PACS1: variants seen among roughly 807,000 people sequenced by gnomAD.
PACS1 encodes the protein phosphofurin acidic cluster sorting protein 1, also known as PACS-1.
Under a neutral mutation model 115.0 loss-of-function variants are expected in PACS1, and 24 were observed. The ratio of observed to expected loss-of-function variants is 0.21; its 90% CI spans 0.15 to 0.29. PACS1 has a LOEUF of 0.29. Among genes scored for constraint, PACS1 ranks in the 10% least tolerant of loss-of-function variants. The pLI is 1.00. For synonymous variants in PACS1, 453 were observed against 504.5 expected (o/e 0.90, Z 1.37); for missense variants, 838 against 1,251.2 (o/e 0.67, Z 4.98).
chr11:66,132,991 A>G (rs944029214), intron 1 of PACS1, among the ~76,000 whole-genome samples: 1 of 152,114 alleles, frequency 6.6e-6, no homozygotes, highest in East Asian at 1.9e-4. Flanking sequence ...TTTTTGATCC[A>G]TGGATATGGA....
At chr11:66,082,628 G>A (rs1250051981) in intron 1 of PACS1, among the ~76,000 whole-genome samples, 1 of 152,142 alleles carries the variant, frequency 6.6e-6, no homozygotes, top group Non-Finnish European at 1.5e-5. Context: ...TTGGGAGGCC[G>A]AGGTGGGTGG....
rs1300645100 is a variant in PACS1 at position 66,212,130 on chromosome 11, T to A, written c.660+871T>A. Among the ~76,000 whole-genome samples the A allele has an allele frequency of 1.3e-5, 2 of 151,912 alleles. 1 individual carries two copies. The highest frequency in any genetic ancestry group is 6.3e-3 in the Middle Eastern group (2 of 316). On this transcript the variant is annotated intron_variant, in intron 4 of 23. Transcript: ENST00000320580. ...GGGGATATTAACTTTTAATTTTTTT[T>A]ATTTTTACTTTTTTTTTTTTGAGAT...
At chr11:66,134,565 TA>T (rs1858796874) in intron 1 of PACS1, among the ~76,000 whole-genome samples, 1 of 139,994 alleles carries the variant, frequency 7.1e-6, no homozygotes, top group Non-Finnish European at 1.5e-5. Context: ...GTTTTTGATG[TA>T]TTTTTTTTTC....
At chr11:66,112,365 G>T (rs1858209846) in intron 1 of PACS1, among the ~76,000 whole-genome samples, 3 of 152,130 alleles carry the variant, frequency 2.0e-5, no homozygotes, top group South Asian at 2.1e-4. Flanking sequence ...GGGCCTTTGT[G>T]CTTGCAGTTC....
intron 1 of PACS1, among the ~76,000 whole-genome samples, chr11:66,129,140 A>C (rs1858645660): frequency 6.6e-6 from 1 of 152,098 alleles, no homozygotes; most frequent in Admixed American, 6.5e-5. Flanking sequence ...GATTAAAGTT[A>C]GTAAGAAGGG....
intron 1 of PACS1, among the ~76,000 whole-genome samples, chr11:66,115,092 C>T (rs1858275345): frequency 6.6e-6 from 1 of 151,458 alleles, no homozygotes; most frequent in Non-Finnish European, 1.5e-5. Flanking sequence ...GGCTGTGGTC[C>T]CAGCTACTTG....
intron 2 of PACS1, among the ~76,000 whole-genome samples, chr11:66,200,428 G>A (rs144874412): frequency 1.3e-5 from 2 of 150,650 alleles, no homozygotes; most frequent in African/African-American, 4.9e-5. Context: ...GACACATAGA[G>A]ACTAAAAATA....
Position 66,220,631 on chromosome 11 carries a change from G to A in PACS1, c.1039G>A (p.Val347Met). Residue 347 changes from valine (V) to methionine (M), a missense_variant and splice_region_variant, in exon 9 of 24, where the codon GTG becomes ATG. Val to Met is a conservative substitution (Grantham distance 21, BLOSUM62 1). This residue lies in a region of PACS1 where 223 missense variants were observed against 354.0 expected (regional missense o/e 0.63). Coordinates refer to ENST00000320580, the MANE Select transcript of PACS1 (RefSeq NM_018026.4). Reference protein sequence around the residue: ...LLKRFKVSDEVGFGLEHVSRE... With the variant: ...LLKRFKVSDEMGFGLEHVSRE... ...TTCAGAGACTCCTTTTTCCCTGCAG[G>A]TGGGCTTTGGGCTGGAGCATGTGTC... 1 of 1,612,916 alleles carries A rather than the reference G, an allele frequency of 6.2e-7. No homozygotes were observed. The highest frequency in any genetic ancestry group is 8.5e-7 in the Non-Finnish European group (1 of 1,179,668).
At chr11:66,205,657 A>G (rs965275657) in intron 2 of PACS1, among the ~76,000 whole-genome samples, 2 of 149,452 alleles carry the variant, frequency 1.3e-5, no homozygotes, top group African/African-American at 2.5e-5. Flanking sequence ...CAATACTCTT[A>G]ATTTTTTTTT....
intron 2 of PACS1, among the ~76,000 whole-genome samples, chr11:66,202,740 AAAATATATATATATATATAT>A (rs1359666889): frequency 2.3e-5 from 2 of 85,952 alleles, no homozygotes; most frequent in East Asian, 3.6e-4. Flanking sequence ...AAAAAAAAAA[AAAATATATATATATATATAT>A]ATATATATAT....
At position 66,227,491 on chromosome 11, in the gene PACS1, A is replaced by G. The variant is rs563619473; in HGVS notation, c.1294-13A>G. On this transcript the variant is annotated splice_polypyrimidine_tract_variant and intron_variant, in intron 10 of 23. Transcript: ENST00000320580. ...TTTGGATCAGTGATAACTAATTCTT[A>G]TAATTTTTGCAGATGGAATTGGCTG... 2.0e-5 allele frequency: 30 copies of G among 1,511,290 alleles called. 1 individual carries two copies. The South Asian group carries it at 2.9e-4, about 15-fold the overall frequency. 93.6% of individuals were successfully genotyped at this position (1,511,290 alleles called of 1,614,324 possible).
chr11:66,185,163 G>C (rs1451400217), intron 1 of PACS1, among the ~76,000 whole-genome samples: 1 of 152,202 alleles, frequency 6.6e-6, no homozygotes, highest in Non-Finnish European at 1.5e-5. Context: ...GGTGAGAGCA[G>C]ATCAAGGGAC....
At chr11:66,098,991 TG>T (rs1316217508) in intron 1 of PACS1, among the ~76,000 whole-genome samples, 2 of 152,192 alleles carry the variant, frequency 1.3e-5, no homozygotes, top group African/African-American at 4.8e-5. Context: ...CAGGTATCTC[TG>T]TTTTTCTTAC....
intron 2 of PACS1, among the ~76,000 whole-genome samples, chr11:66,204,658 G>A (rs1854891464): frequency 6.6e-6 from 1 of 152,092 alleles, no homozygotes; most frequent in Non-Finnish European, 1.5e-5. Context: ...CAATAACATG[G>A]ATGGAACTGG....
intron 1 of PACS1, among the ~76,000 whole-genome samples, chr11:66,074,056 C>T (rs1312897428): frequency 6.6e-6 from 1 of 151,698 alleles, no homozygotes; most frequent in African/African-American, 2.4e-5. Context: ...CCACTGTGCC[C>T]AGCCTTTTAC....
chr11:66,163,121 G>A (rs939554083), intron 1 of PACS1, among the ~76,000 whole-genome samples: 1 of 152,162 alleles, frequency 6.6e-6, no homozygotes, highest in Non-Finnish European at 1.5e-5. Flanking sequence ...GACCGAGGTG[G>A]TTGGATCACT....
intron 10 of PACS1, among the ~76,000 whole-genome samples, chr11:66,224,211 A>AG (rs1434280741): frequency 2.0e-5 from 3 of 151,270 alleles, no homozygotes; most frequent in Non-Finnish European, 4.4e-5. Flanking sequence ...AAAAAAAAAA[A>AG]AAAAAGCCAG....
chr11:66,145,994 AAC>A (rs1197041215), intron 1 of PACS1, among the ~76,000 whole-genome samples: 2 of 152,260 alleles, frequency 1.3e-5, no homozygotes, highest in African/African-American at 2.4e-5. Context: ...CTAAAGAAAT[AAC>A]ACACGTGAAA....
intron 1 of PACS1, among the ~76,000 whole-genome samples, chr11:66,082,515 CAAAA>C (rs912644925): frequency 6.6e-6 from 1 of 151,832 alleles, no homozygotes; most frequent in African/African-American, 2.4e-5. Context: ...AAAAAACAAA[CAAAA>C]AAACACCTCA....
Sources: allele counts gnomAD v4.1 joint callset (sites outside exome capture counted in the v4.1 genomes callset), GRCh38; gene constraint gnomAD v4.1.1; regional missense constraint gnomAD v4.1.1; transcripts MANE v1.5; gene names NCBI Gene and HGNC (gene_info 2026-07-23, HGNC 2026-07-21).